Variants in PTGFRN observed in about 807,000 individuals in gnomAD.
The protein encoded by PTGFRN is prostaglandin F2 receptor inhibitor.
Under a neutral mutation model 83.2 loss-of-function variants are expected in PTGFRN, and 35 were observed. The ratio of observed to expected loss-of-function variants is 0.42; its 90% CI spans 0.32 to 0.56. PTGFRN has a LOEUF of 0.56. PTGFRN is among the 20% of genes least tolerant of loss of function. PTGFRN has a pLI of 0.11. For missense variants in PTGFRN, 1,051 were observed against 1,179.5 expected (o/e 0.89, Z 1.60); for synonymous variants, 519 against 498.6 (o/e 1.04, Z -0.55).
rs1389545280 is a variant in PTGFRN, at chr1:116,989,002, T to C, written c.*2035T>C. ...GTGAGAATTAAAGAGAGAACAGATATTTAAACAGGTGCTGTATTAGTAACA... is the reference window on the plus strand; with the variant it reads ...GTGAGAATTAAAGAGAGAACAGATACTTAAACAGGTGCTGTATTAGTAACA... On this transcript the variant is annotated 3_prime_UTR_variant, in exon 9 of 9. Transcript: ENST00000393203. The C allele has an allele frequency of 2.6e-5, 4 of 152,196 alleles. No homozygotes were observed. The East Asian group carries it at 7.7e-4, about 29-fold the overall frequency. 9.4% of individuals were successfully genotyped at this position (152,196 alleles called of 1,614,324 possible).
intron 1 of PTGFRN, among the ~76,000 whole-genome samples, chr1:116,931,496 CTT>C (rs10597434): frequency 1.9e-4 from 25 of 132,902 alleles, no homozygotes; most frequent in East Asian, 1.1e-3. Flanking sequence ...TGAACTTTTT[CTT>C]TTTTTTTTTT....
At chr1:116,979,254 A>T (rs1224431383) in intron 7 of PTGFRN, among the ~76,000 whole-genome samples, 1 of 152,210 alleles carries the variant, frequency 6.6e-6, no homozygotes, top group Non-Finnish European at 1.5e-5. Context: ...TTCCATCCTC[A>T]TGGATAGGAA....
chr1:116,917,379 A>G (rs1267211280), intron 1 of PTGFRN, among the ~76,000 whole-genome samples: 1 of 152,180 alleles, frequency 6.6e-6, no homozygotes, highest in Admixed American at 6.5e-5. Flanking sequence ...GGACAGGCTG[A>G]AGAGCAGTGA....
chr1:116,930,872 C>T (rs1480577936), intron 1 of PTGFRN, among the ~76,000 whole-genome samples: 1 of 152,136 alleles, frequency 6.6e-6, no homozygotes, highest in Non-Finnish European at 1.5e-5. Flanking sequence ...TATCTCTGGT[C>T]ACTTTCCTCC....
intron 7 of PTGFRN, among the ~76,000 whole-genome samples, chr1:116,975,854 C>G (rs371698163): frequency 6.6e-6 from 1 of 152,198 alleles, no homozygotes; most frequent in Non-Finnish European, 1.5e-5. Flanking sequence ...TCTCCAGCAA[C>G]GGAACAAAGC....
intron 7 of PTGFRN, among the ~76,000 whole-genome samples, chr1:116,977,579 G>A (rs1484682353): frequency 2.0e-5 from 3 of 152,084 alleles, no homozygotes; most frequent in Non-Finnish European, 2.9e-5. Context: ...ACTCAAAATC[G>A]CTCAACTACA....
intron 1 of PTGFRN, among the ~76,000 whole-genome samples, chr1:116,922,600 C>T (rs1649564462): frequency 6.6e-6 from 1 of 152,100 alleles, no homozygotes; most frequent in African/African-American, 2.4e-5. Context: ...CCAGTGGTAC[C>T]CTCAGGGACC....
chr1:116,977,794 A>T (rs951838268), intron 7 of PTGFRN, among the ~76,000 whole-genome samples: 5 of 152,344 alleles, frequency 3.3e-5, no homozygotes, highest in Admixed American at 3.3e-4. Context: ...TGACACCCTA[A>T]CATCACAATT....
At chr1:116,977,682 A>C (rs1570678431) in intron 7 of PTGFRN, among the ~76,000 whole-genome samples, 2 of 152,358 alleles carry the variant, frequency 1.3e-5, no homozygotes, top group African/African-American at 4.8e-5. Flanking sequence ...ATGAGAACAA[A>C]GACACAACAT....
chr1:116,923,315 ATCTT>A lies in PTGFRN; in HGVS notation c.49+13068_49+13071del, dbSNP rs1196021565. Among the ~76,000 whole-genome samples the A allele has an allele frequency of 1.3e-5, 2 of 152,176 alleles. No homozygotes were observed. Among genetic ancestry groups the A allele is most frequent in the Non-Finnish European group, 2.9e-5 (2 of 68,012 alleles). On this transcript the variant is annotated intron_variant, in intron 1 of 8. Coordinates refer to ENST00000393203, the MANE Select transcript of PTGFRN (RefSeq NM_020440.4). This position sits in a 1 kb window ranked among gnomAD's most constrained non-coding sequence, Gnocchi z 4.0. ...AAGATATCTATGTGTCCTTTTTACT[ATCTT>A]TCTTATGTGTGCTTATTTATCTTCT...
intron 2 of PTGFRN, among the ~76,000 whole-genome samples, chr1:116,942,945 C>T (rs866514976): frequency 3.9e-5 from 6 of 152,246 alleles, no homozygotes; most frequent in Admixed American, 1.3e-4. Flanking sequence ...AATTAGTAAA[C>T]GAGCAAGAAC....
At chr1:116,950,375 C>T (rs140020016) in intron 4 of PTGFRN, among the ~76,000 whole-genome samples, 17 of 152,282 alleles carry the variant, frequency 1.1e-4, no homozygotes, top group African/African-American at 2.4e-4. Context: ...TGGAAAGCTT[C>T]GCTCCCCACC....
At chr1:116,932,231 T>G (rs982535871) in intron 1 of PTGFRN, among the ~76,000 whole-genome samples, 1 of 152,214 alleles carries the variant, frequency 6.6e-6, no homozygotes, top group Non-Finnish European at 1.5e-5. Context: ...TGCCTTGTCT[T>G]TCTTAATGAT....
chr1:116,956,035 A>G (rs1422558269), intron 4 of PTGFRN, among the ~76,000 whole-genome samples: 1 of 152,230 alleles, frequency 6.6e-6, no homozygotes, highest in East Asian at 1.9e-4. Context: ...ATCTCTGCAA[A>G]CCATTTTTAA....
At chr1:116,951,051 C>G (rs1385819267) in intron 4 of PTGFRN, among the ~76,000 whole-genome samples, 1 of 152,142 alleles carries the variant, frequency 6.6e-6, no homozygotes, top group Admixed American at 6.5e-5. Context: ...ATGGTGCTGT[C>G]AAATCCCAGC....
In PTGFRN at chr1:116,966,964, A is replaced by T. The variant is rs770708270; in HGVS notation, c.1693A>T (p.Asn565Tyr). Residue 565 changes from asparagine (N) to tyrosine (Y), a missense_variant, in exon 6 of 9, where the codon AAT becomes TAT. Physicochemically the swap from Asn to Tyr is moderately radical, Grantham distance 143. Coordinates refer to ENST00000393203, the MANE Select transcript of PTGFRN (RefSeq NM_020440.4). ...RQPKPFFAAG[N>Y]TFEMTCKVSS... The stretch of plus-strand genomic sequence containing the variant: ...GCCAAAGCCTTTCTTTGCTGCCGGA[A>T]ATACATTTGAGATGACTTGCAAAGT... 1 of 1,611,854 alleles carries T rather than the reference A, an allele frequency of 6.2e-7. No individual in the cohort carries two copies. Among genetic ancestry groups the T allele is most frequent in the Non-Finnish European group, 8.5e-7 (1 of 1,178,082 alleles).
intron 1 of PTGFRN, among the ~76,000 whole-genome samples, chr1:116,924,353 G>A (rs1046402816): frequency 1.9e-4 from 29 of 151,930 alleles, no homozygotes; most frequent in African/African-American, 7.0e-4. Context: ...CAGCATCTTG[G>A]CCAGGCTGGT....
intron 1 of PTGFRN, among the ~76,000 whole-genome samples, chr1:116,924,891 G>A (rs1456079822): frequency 1.3e-5 from 2 of 152,174 alleles, no homozygotes; most frequent in Non-Finnish European, 2.9e-5. Flanking sequence ...GTGATGAGCA[G>A]TCCCTCCAGA....
rs534569096 is a variant in PTGFRN at position 116,952,154 on chromosome 1, A to G, written c.1213+2582A>G. Reference sequence around the variant, plus strand: ...GCACTGGACTAAGGACCTTATATGCATTAAATGTTCAATGTGAAAATATTT... The same window carrying G: ...GCACTGGACTAAGGACCTTATATGCGTTAAATGTTCAATGTGAAAATATTT... On this transcript the variant is annotated intron_variant, in intron 4 of 8. Coordinates refer to ENST00000393203, the MANE Select transcript of PTGFRN (RefSeq NM_020440.4). The surrounding 1 kb of genome is among the most constrained non-coding windows in gnomAD (Gnocchi z 4.0). Among the ~76,000 whole-genome samples, 1 of 152,242 alleles carries G rather than the reference A, an allele frequency of 6.6e-6. No individual in the cohort carries two copies. The highest frequency in any genetic ancestry group is 2.4e-5 in the African/African-American group (1 of 41,454).
Sources: gnomAD v4.1 joint callset for allele counts (sites outside exome capture counted in the v4.1 genomes callset) on GRCh38, gnomAD v4.1.1 for gene constraint, Gnocchi (gnomAD v3.1) non-coding constraint, MANE v1.5 for transcripts, NCBI Gene and HGNC (gene_info 2026-07-23, HGNC 2026-07-21) for gene names.